Variants in MAEA observed in about 807,000 individuals in gnomAD.
MAEA encodes the protein E3 ubiquitin-protein transferase MAEA.
Under a neutral mutation model 46.2 loss-of-function variants are expected in MAEA, and 22 were observed. The ratio of observed to expected loss-of-function variants is 0.48; its 90% CI spans 0.34 to 0.68. MAEA has a LOEUF of 0.68. MAEA is among the 30% of genes least tolerant of loss of function. The pLI is 0.01. For missense variants in MAEA, 393 were observed against 558.1 expected (o/e 0.70, Z 2.98); for synonymous variants, 246 against 222.6 (o/e 1.11, Z -0.94).
At chr4:1,299,139 A>G (rs1735069571) in intron 1 of MAEA, among the ~76,000 whole-genome samples, 1 of 152,176 alleles carries the variant, frequency 6.6e-6, no homozygotes, top group South Asian at 2.1e-4. Context: ...TGGGCGTCCA[A>G]AAGTGTTGGA....
At chr4:1,302,900 G>A (rs1382316742) in intron 1 of MAEA, among the ~76,000 whole-genome samples, 1 of 152,168 alleles carries the variant, frequency 6.6e-6, no homozygotes, top group Non-Finnish European at 1.5e-5. Context: ...GTGAGGTGCT[G>A]CTTCCTACCC....
At chr4:1,328,733 G>A (rs1427651745) in intron 5 of MAEA, 15 of 1,237,252 alleles carry the variant, frequency 1.2e-5, no homozygotes, top group South Asian at 1.1e-4. Flanking sequence ...CGGCAGAACC[G>A]CGGCAAGTCC....
chr4:1,325,765 G>C (rs1240078462), intron 4 of MAEA, among the ~76,000 whole-genome samples: 1 of 152,096 alleles, frequency 6.6e-6, no homozygotes, highest in African/African-American at 2.4e-5. Flanking sequence ...AGTGCTGACC[G>C]AAGTCTGCCT....
At chr4:1,292,058 G>A (rs1734154508) in intron 1 of MAEA, among the ~76,000 whole-genome samples, 1 of 152,206 alleles carries the variant, frequency 6.6e-6, no homozygotes, top group South Asian at 2.1e-4. Context: ...CTCAAGAGCT[G>A]CACTCTTCAG....
intron 2 of MAEA, among the ~76,000 whole-genome samples, chr4:1,314,395 A>G (rs1736875630): frequency 1.4e-5 from 1 of 69,600 alleles, no homozygotes; most frequent in Non-Finnish European, 5.1e-5. Flanking sequence ...CCAAAAATGA[A>G]AAACTCAACA....
intron 1 of MAEA, among the ~76,000 whole-genome samples, chr4:1,292,491 G>A (rs1002622674): frequency 5.3e-5 from 8 of 152,116 alleles, no homozygotes; most frequent in East Asian, 1.9e-4. Flanking sequence ...CACCTCTGTC[G>A]TCATGAGCTT....
rs150552436 is a variant in MAEA, at chr4:1,339,130, C to G, written c.1152C>G (p.Val384=). ...DKVVCPRTKE[V]FHFSQAEKVY... ...TCGTGTGCCCGAGAACCAAAGAAGTCTTCCACTTCTCACAAGCCGAGAAGG... is the reference window on the plus strand; with the variant it reads ...TCGTGTGCCCGAGAACCAAAGAAGTGTTCCACTTCTCACAAGCCGAGAAGG... The change falls in exon 9 of 9, where the codon GTC becomes GTG. Residue 384 remains valine, a synonymous_variant. Coordinates refer to ENST00000303400, the MANE Select transcript of MAEA (RefSeq NM_001017405.3). The G allele has an allele frequency of 6.2e-6, 10 of 1,613,892 alleles. No individual in the cohort carries two copies. The African/African-American group carries it at 1.3e-4, about 22-fold the overall frequency.
At chr4:1,328,388 T>C (rs1198452153) in intron 5 of MAEA, among the ~76,000 whole-genome samples, 1 of 152,180 alleles carries the variant, frequency 6.6e-6, no homozygotes, top group Non-Finnish European at 1.5e-5. Flanking sequence ...GCCTGGGCAG[T>C]GTCGGCCAGT....
At chr4:1,329,728 C>T (rs572852333) in intron 5 of MAEA, 84 of 985,436 alleles carry the variant, frequency 8.5e-5, no homozygotes, top group East Asian at 4.6e-4. Flanking sequence ...ATCGGCAGGA[C>T]GTTTGTGGGG....
At chr4:1,323,702 GT>G in intron 4 of MAEA, 1 of 679,684 alleles carries the variant, frequency 1.5e-6, no homozygotes, top group Admixed American at 2.1e-5. Context: ...TGCCAGGGCT[GT>G]TTCCTGTGGA....
intron 1 of MAEA, among the ~76,000 whole-genome samples, chr4:1,310,433 A>C (rs1285096008): frequency 6.6e-6 from 1 of 152,206 alleles, no homozygotes; most frequent in Non-Finnish European, 1.5e-5. Flanking sequence ...ATGGGACCCC[A>C]GGCTGCGTGG....
intron 5 of MAEA, chr4:1,329,486 C>A (rs1345436567): frequency 5.1e-6 from 5 of 985,202 alleles, no homozygotes; most frequent in Non-Finnish European, 6.0e-6. Context: ...CTTCCTCCCG[C>A]AAGCAGACAC....
chr4:1,330,813 G>A (rs1255171871), intron 5 of MAEA: 3 of 152,080 alleles, frequency 2.0e-5, no homozygotes, highest in Non-Finnish European at 2.9e-5. Flanking sequence ...GGCATCAAAC[G>A]ATCTGAAAAG....
chr4:1,302,715 C>T (rs1392995499), intron 1 of MAEA, among the ~76,000 whole-genome samples: 1 of 152,152 alleles, frequency 6.6e-6, no homozygotes, highest in Non-Finnish European at 1.5e-5. Context: ...CTCCTGACCT[C>T]GTGATCCGCC....
chr4:1,312,119 G>C lies in MAEA; in HGVS notation c.210G>C (p.Leu70=), dbSNP rs1226136618. ...GCPAVDSVVS[L]LDGVVEKLSV... ...CCGCCGTGGACTCCGTGGTCAGCCT[G>C]CTGGACGGCGTGGTGGAGAAGCTCA... The change falls in exon 2 of 9, where the codon CTG becomes CTC. Residue 70 remains leucine (L), a synonymous_variant. Coordinates refer to ENST00000303400, the MANE Select transcript of MAEA (RefSeq NM_001017405.3). 9 of 1,613,826 alleles carry C rather than the reference G, an allele frequency of 5.6e-6. No homozygotes were observed. The highest frequency in any genetic ancestry group is 7.6e-6 in the Non-Finnish European group (9 of 1,180,064).
rs189319519 is a variant in MAEA, at chr4:1,293,866, G to T, written c.69+3884G>T. Among the ~76,000 whole-genome samples the T allele has an allele frequency of 5.4e-4, 82 of 152,352 alleles. 1 individual carries two copies. Among genetic ancestry groups the T allele is most frequent in the African/African-American group, 1.9e-3 (80 of 41,578 alleles). Reference sequence around the variant, plus strand: ...CTCACAGCCTGGGTCTGTGCCTGTGGTAGGGAGTTCGGGTGCCAGCTGTGT... The same window carrying T: ...CTCACAGCCTGGGTCTGTGCCTGTGTTAGGGAGTTCGGGTGCCAGCTGTGT... On this transcript the variant is annotated intron_variant, in intron 1 of 8. Transcript: ENST00000303400.
intron 5 of MAEA, 87 bp downstream of exon 5, chr4:1,327,790 CCTGGG>C: frequency 1.0e-6 from 1 of 993,988 alleles, no homozygotes; most frequent in South Asian, 1.7e-5. Context: ...TGGTCTGGGT[CCTGGG>C]ACGTCCCCTG....
intron 5 of MAEA, chr4:1,329,078 GA>G (rs1739208347): frequency 2.0e-6 from 2 of 985,816 alleles, no homozygotes; most frequent in South Asian, 9.4e-5. Context: ...CCGTCTCCTT[GA>G]GGGCCCCGGC....
At chr4:1,321,298 T>C (rs544252112) in intron 3 of MAEA, among the ~76,000 whole-genome samples, 61 of 148,050 alleles carry the variant, frequency 4.1e-4, no homozygotes, top group African/African-American at 1.4e-3. Flanking sequence ...GAAGGGGCTT[T>C]AAAAAAGATA....
Sources: gnomAD v4.1 joint callset for allele counts (sites outside exome capture counted in the v4.1 genomes callset) on GRCh38, gnomAD v4.1.1 for gene constraint, MANE v1.5 for transcripts, NCBI Gene and HGNC (gene_info 2026-07-23, HGNC 2026-07-21) for gene names.